TRIM44: variants seen among roughly 807,000 people sequenced by gnomAD.
The protein encoded by TRIM44 is tripartite motif containing 44, also known as tripartite motif-containing protein 44.
Under a neutral mutation model 37.4 loss-of-function variants are expected in TRIM44, and 13 were observed. That is an observed-to-expected ratio of 0.35 (90% CI 0.23 to 0.55). TRIM44 has a LOEUF of 0.55. TRIM44 is among the 20% of genes least tolerant of loss of function. The pLI is 0.89. For synonymous variants in TRIM44, 175 were observed against 157.2 expected, an observed-to-expected ratio of 1.11 and a Z score of -0.85; for missense variants, 426 against 437.2, an observed-to-expected ratio of 0.97 and a Z score of 0.23.
intron 4 of TRIM44, among the ~76,000 whole-genome samples, chr11:35,756,541 T>C (rs1852643836): frequency 6.6e-6 from 1 of 152,192 alleles, no homozygotes; most frequent in South Asian, 2.1e-4. Flanking sequence ...TCCAACACTA[T>C]GTTGAATAGG....
chr11:35,764,935 ACCT>A (rs749619412), intron 4 of TRIM44, among the ~76,000 whole-genome samples: 18 of 151,914 alleles, frequency 1.2e-4, no homozygotes, highest in Non-Finnish European at 1.9e-4. Flanking sequence ...TTAAAAAAAA[ACCT>A]CCTTCTCATA....
At chr11:35,799,943 GATGAAATAAAGAATC>G (rs1853344293) in intron 4 of TRIM44, among the ~76,000 whole-genome samples, 1 of 152,192 alleles carries the variant, frequency 6.6e-6, no homozygotes, top group Non-Finnish European at 1.5e-5. Context: ...TAAGACCCAT[GATGAAATAAAGAATC>G]ATGGGACTTT....
intron 4 of TRIM44, among the ~76,000 whole-genome samples, chr11:35,792,072 TACACACACAC>T (rs57127722): frequency 0.2 from 27,041 of 136,756 alleles, 2,740 homozygotes; most frequent in East Asian, 0.32. Context: ...GAGTTGCCCC[TACACACACAC>T]ACACACACAC....
At chr11:35,734,136 G>A (rs979746843) in intron 3 of TRIM44, among the ~76,000 whole-genome samples, 3 of 151,948 alleles carry the variant, frequency 2.0e-5, no homozygotes, top group Non-Finnish European at 4.4e-5. Context: ...CTCCTGATTC[G>A]AAAATCCTAG....
intron 1 of TRIM44, among the ~76,000 whole-genome samples, chr11:35,681,176 G>A (rs1269922387): frequency 1.3e-5 from 2 of 152,152 alleles, no homozygotes; most frequent in Non-Finnish European, 2.9e-5. Context: ...GTATTACTGT[G>A]AAATGCCAGT....
At chr11:35,746,796 T>C (rs188185372) in intron 4 of TRIM44, among the ~76,000 whole-genome samples, 1 of 152,190 alleles carries the variant, frequency 6.6e-6, no homozygotes, top group African/African-American at 2.4e-5. Context: ...TGCAGGTTCA[T>C]AAAATAAATG....
intron 4 of TRIM44, among the ~76,000 whole-genome samples, chr11:35,765,880 T>C (rs986202752): frequency 6.6e-6 from 1 of 152,234 alleles, no homozygotes. Context: ...TGTTTCTTAC[T>C]GTGTTTGTCG....
chr11:35,785,166 T>G (rs1381937161), intron 4 of TRIM44, among the ~76,000 whole-genome samples: 1 of 152,246 alleles, frequency 6.6e-6, no homozygotes, highest in African/African-American at 2.4e-5. Flanking sequence ...AATTTAGCTC[T>G]GAATTGAATC....
intron 4 of TRIM44, among the ~76,000 whole-genome samples, chr11:35,750,026 C>T (rs920961412): frequency 4.6e-5 from 7 of 152,050 alleles, no homozygotes; most frequent in South Asian, 2.1e-4. Context: ...AATTAAGTAC[C>T]GTCTTAAAGT....
At chr11:35,679,828 G>A (rs1429836630) in intron 1 of TRIM44, among the ~76,000 whole-genome samples, 1 of 152,146 alleles carries the variant, frequency 6.6e-6, no homozygotes, top group African/African-American at 2.4e-5. Flanking sequence ...TATAGCTTTT[G>A]ATCTGGTCCA....
intron 2 of TRIM44, among the ~76,000 whole-genome samples, chr11:35,723,507 A>ACTTTTTTCCGCG (rs1291134938): frequency 2.6e-5 from 4 of 152,250 alleles, no homozygotes. Context: ...GGAAAAAGGC[A>ACTTTTTTCCGCG]TAAAGGTTTT....
intron 2 of TRIM44, among the ~76,000 whole-genome samples, chr11:35,704,949 T>G (rs1564964184): frequency 6.7e-6 from 1 of 149,610 alleles, no homozygotes; most frequent in Non-Finnish European, 1.5e-5. Flanking sequence ...ATGCTCCAAT[T>G]AAAAGACACA....
rs189577782 is a variant in TRIM44, at chr11:35,817,792, T to C, written c.*11407T>C. 7.2e-5 allele frequency: 11 copies of C among 152,290 alleles called. No individual in the cohort carries two copies. Among genetic ancestry groups the C allele is most frequent in the African/African-American group, 2.6e-4 (11 of 41,564 alleles). 9.4% of individuals were successfully genotyped at this position (152,290 alleles called of 1,614,324 possible). A position where few individuals can be genotyped will look rare whatever the true frequency, so the allele number is the denominator to read the frequency against. On this transcript the variant is annotated 3_prime_UTR_variant, in exon 5 of 5. Coordinates refer to ENST00000299413, the MANE Select transcript of TRIM44 (RefSeq NM_017583.6). ...TAACAACATCCGCCCTTTGTTGTCA[T>C]GATAGTGAGTTCTTGTGAGATCTGG...
At chr11:35,686,365 T>G in intron 2 of TRIM44, among the ~76,000 whole-genome samples, 1 of 149,936 alleles carries the variant, frequency 6.7e-6, no homozygotes, top group African/African-American at 2.5e-5. Context: ...TCTTTTTGTT[T>G]TTGTTTTTGT....
At chr11:35,790,360 T>C (rs573940374) in intron 4 of TRIM44, among the ~76,000 whole-genome samples, 17 of 152,346 alleles carry the variant, frequency 1.1e-4, no homozygotes, top group African/African-American at 3.6e-4. Context: ...GGAGATCTTT[T>C]GAAAGTGGCA....
intron 2 of TRIM44, among the ~76,000 whole-genome samples, chr11:35,718,471 A>G (rs1251510094): frequency 6.6e-6 from 1 of 152,180 alleles, no homozygotes; most frequent in Admixed American, 6.5e-5. Context: ...TGGAAAATAT[A>G]GAGAGTTTCC....
At position 35,810,269 on chromosome 11, in the gene TRIM44, C is replaced by A. The variant is rs1853512612; in HGVS notation, c.*3884C>A. The A allele has an allele frequency of 6.6e-6, 1 of 152,138 alleles. No homozygotes were observed. Among genetic ancestry groups the A allele is most frequent in the South Asian group, 2.1e-4 (1 of 4,828 alleles). The allele number at this position is 152,138 out of a possible 1,614,324, so 9.4% of individuals were successfully genotyped here. On this transcript the variant is annotated 3_prime_UTR_variant, in exon 5 of 5. Coordinates refer to ENST00000299413, the MANE Select transcript of TRIM44 (RefSeq NM_017583.6). ...CCTCTCTCCCCAAGTAGAAAATATT[C>A]TCTTGCCATTCCTGAAATTCCACAT...
chr11:35,793,259 T>C (rs1186344069), intron 4 of TRIM44, among the ~76,000 whole-genome samples: 1 of 151,680 alleles, frequency 6.6e-6, no homozygotes, highest in African/African-American at 2.4e-5. Flanking sequence ...GCATAATGGC[T>C]CACACGTGTA....
At position 35,809,989 on chromosome 11, in the gene TRIM44, C is replaced by T. The variant is rs760886296; in HGVS notation, c.*3604C>T. 4 of 152,124 alleles carry T rather than the reference C, an allele frequency of 2.6e-5. No individual in the cohort carries two copies. Among genetic ancestry groups the T allele is most frequent in the Non-Finnish European group, 4.4e-5 (3 of 68,030 alleles). The allele number at this position is 152,124 out of a possible 1,614,324, so 9.4% of individuals were successfully genotyped here. A position where few individuals can be genotyped will look rare whatever the true frequency, so the allele number is the denominator to read the frequency against. On this transcript the variant is annotated 3_prime_UTR_variant, in exon 5 of 5. Coordinates refer to ENST00000299413, the MANE Select transcript of TRIM44 (RefSeq NM_017583.6). ...CTGTCAGCCCTAATTACAAGTGTCA[C>T]CATATAGTTGGGGCTTAGGTACTTG...
Sources: gnomAD v4.1 joint callset for allele counts (sites outside exome capture counted in the v4.1 genomes callset) on GRCh38, gnomAD v4.1.1 for gene constraint, MANE v1.5 for transcripts, NCBI Gene and HGNC (gene_info 2026-07-23, HGNC 2026-07-21) for gene names.